BCAS1: variants seen among roughly 807,000 people sequenced by gnomAD.
The protein encoded by BCAS1 is brain enriched myelin associated protein 1.
A neutral mutation model predicts 65.4 loss-of-function variants in BCAS1; 46 were observed. The observed-to-expected ratio is 0.70, with a 90% CI of 0.55 to 0.90. The LOEUF is 0.90. Among genes scored for constraint, BCAS1 ranks in the 40% least tolerant of loss-of-function variants. The probability of loss-of-function intolerance (pLI) is 0.00; values close to 1 mark genes in which losing one functional copy is unlikely to be tolerated. For synonymous variants in BCAS1, 298 were observed against 293.5 expected, an observed-to-expected ratio of 1.02 and a Z score of -0.16; for missense variants, 793 against 771.2, an observed-to-expected ratio of 1.03 and a Z score of -0.33.
chr20:54,058,696 G>A lies in BCAS1; in HGVS notation c.23C>T (p.Pro8Leu). ...ATTCTCTTGGTCTTCAACTCTTTGG[G>A]GAACACTCATTTGGTTACCCATTGC... MGNQMSVPQRVEDQENEP... is the reference protein window; with the variant it reads MGNQMSVLQRVEDQENEP... Residue 8 changes from proline to leucine, a missense_variant, in exon 2 of 13, where the codon CCC (proline) becomes CTC (leucine). Coordinates refer to ENST00000688948, the MANE Select transcript of BCAS1 (RefSeq NM_001366298.2). 1 of 1,611,182 alleles carries A rather than the reference G, an allele frequency of 6.2e-7. No homozygotes were observed. Among genetic ancestry groups the A allele is most frequent in the Admixed American group, 1.7e-5 (1 of 59,834 alleles).
intron 4 of BCAS1, among the ~76,000 whole-genome samples, chr20:54,004,085 A>G (rs1471638695): frequency 6.6e-6 from 1 of 152,184 alleles, no homozygotes; most frequent in Non-Finnish European, 1.5e-5. Flanking sequence ...CCCAAAATTC[A>G]TGTGTTCAAA....
Position 54,035,867 on chromosome 20 carries a change from T to C in BCAS1, c.143-6895A>G, listed in dbSNP as rs374228350. ...GGTACATATACACCATGGAATACTA[T>C]GCAGCCATAAAAAGAACGAGATCAT... On this transcript the variant is annotated intron_variant, in intron 3 of 12. Transcript: ENST00000688948. Among the ~76,000 whole-genome samples the C allele has an allele frequency of 3.3e-4, 50 of 151,480 alleles. No homozygotes were observed. In the South Asian group the frequency reaches 9.2e-3, roughly 28 times the overall value.
chr20:53,963,265 T>C (rs1293346068), intron 10 of BCAS1, among the ~76,000 whole-genome samples: 1 of 151,776 alleles, frequency 6.6e-6, no homozygotes, highest in Non-Finnish European at 1.5e-5. Context: ...GTGGATCACC[T>C]GAGATCAGGA....
chr20:53,998,361 C>A (rs1286231558), intron 4 of BCAS1, among the ~76,000 whole-genome samples: 1 of 152,212 alleles, frequency 6.6e-6, no homozygotes, highest in East Asian at 1.9e-4. Context: ...CACAGTTCTG[C>A]AGCCTTTACA....
At position 54,029,586 on chromosome 20, in the gene BCAS1, T is replaced by G. The variant is rs290454; in HGVS notation, c.143-614A>C. On this transcript the variant is annotated intron_variant, in intron 3 of 12. Transcript: ENST00000688948. ...CTGAAATGTCTTTTTGAATCCAGAT[T>G]ATCTAATTTTCTGTGCCTCAACTTT... Among the ~76,000 whole-genome samples the G allele has an allele frequency of 7.8e-3, 1,183 of 152,346 alleles. 13 individuals carry two copies. The highest frequency in any genetic ancestry group is 0.027 in the African/African-American group (1,134 of 41,578).
At chr20:54,006,843 G>A (rs1247091511) in intron 4 of BCAS1, among the ~76,000 whole-genome samples, 1 of 152,184 alleles carries the variant, frequency 6.6e-6, no homozygotes, top group African/African-American at 2.4e-5. Context: ...CCCACTGATG[G>A]AGGCAGTGAG....
chr20:53,956,661 CAA>C (rs143693739), intron 11 of BCAS1, among the ~76,000 whole-genome samples: 35 of 131,136 alleles, frequency 2.7e-4, no homozygotes, highest in Admixed American at 3.1e-4. Context: ...AGTCACACAG[CAA>C]AAAAAAAAAA....
intron 3 of BCAS1, among the ~76,000 whole-genome samples, chr20:54,030,804 C>A (rs955927049): frequency 1.3e-5 from 2 of 151,254 alleles, no homozygotes; most frequent in Non-Finnish European, 3.0e-5. Context: ...AAGAAAATCA[C>A]CCTGCCAGCA....
chr20:54,060,305 G>A (rs1030099833), intron 1 of BCAS1, among the ~76,000 whole-genome samples: 4 of 152,170 alleles, frequency 2.6e-5, no homozygotes, highest in Non-Finnish European at 5.9e-5. Flanking sequence ...AGGGTTCTAA[G>A]TTATGAATAA....
intron 4 of BCAS1, among the ~76,000 whole-genome samples, chr20:54,016,468 T>C (rs1369848862): frequency 1.3e-5 from 2 of 152,250 alleles, no homozygotes. Context: ...GCTAAAAACA[T>C]TCGACTTATT....
intron 4 of BCAS1, among the ~76,000 whole-genome samples, chr20:54,002,289 C>T (rs1276055401): frequency 1.3e-5 from 2 of 152,252 alleles, no homozygotes; most frequent in East Asian, 3.8e-4. Flanking sequence ...TAGGTAGGAG[C>T]AGACACAGGG....
intron 10 of BCAS1, among the ~76,000 whole-genome samples, chr20:53,957,781 T>A (rs2089747995): frequency 6.6e-6 from 1 of 152,200 alleles, no homozygotes; most frequent in African/African-American, 2.4e-5. Context: ...CCAATTAATG[T>A]TGGAAGCAGG....
At chr20:54,008,522 GC>G (rs1283231351) in intron 4 of BCAS1, among the ~76,000 whole-genome samples, 1 of 152,090 alleles carries the variant, frequency 6.6e-6, no homozygotes, top group East Asian at 1.9e-4. Context: ...GTATACCCCC[GC>G]CCCCCAACAA....
At chr20:54,033,253 A>C (rs2091838013) in intron 3 of BCAS1, among the ~76,000 whole-genome samples, 1 of 151,076 alleles carries the variant, frequency 6.6e-6, no homozygotes, top group East Asian at 1.9e-4. Context: ...GAGAACTGAG[A>C]GCAGAAAAAC....
intron 4 of BCAS1, among the ~76,000 whole-genome samples, chr20:54,003,356 T>TG (rs1398232622): frequency 3.3e-5 from 5 of 152,200 alleles, no homozygotes; most frequent in African/African-American, 1.2e-4. Context: ...TCTATGCCTT[T>TG]GTACACTGTG....
At chr20:54,051,990 C>T (rs570057701) in intron 3 of BCAS1, among the ~76,000 whole-genome samples, 1 of 152,270 alleles carries the variant, frequency 6.6e-6, no homozygotes, top group East Asian at 1.9e-4. Flanking sequence ...CCACCTGTCT[C>T]GGCCTCCAAA....
chr20:53,958,342 GTTCTT>G (rs2089768008), intron 10 of BCAS1, among the ~76,000 whole-genome samples: 1 of 152,172 alleles, frequency 6.6e-6, no homozygotes. Context: ...AAAATGTTCG[GTTCTT>G]ATCAACAACA....
chr20:54,041,067 C>T (rs1183026117), intron 3 of BCAS1, among the ~76,000 whole-genome samples: 3 of 151,256 alleles, frequency 2.0e-5, no homozygotes, highest in South Asian at 4.2e-4. Context: ...AAGTGAAAGA[C>T]GCCAGACACA....
Position 54,030,144 on chromosome 20 carries a change from T to C in BCAS1, c.143-1172A>G, listed in dbSNP as rs112534941. On this transcript the variant is annotated intron_variant, in intron 3 of 12. Transcript: ENST00000688948. ...CCTCTACCTTGACCTAAATTAACTA[T>C]AAAAGGTCCTTCTTTTCTAGGACCC... 8.6e-3 allele frequency among the ~76,000 whole-genome samples: 1,312 copies of C among 152,282 alleles called. 11 individuals are homozygous for C. The highest frequency in any genetic ancestry group is 0.031 in the African/African-American group (1,269 of 41,548).
Sources: allele counts gnomAD v4.1 joint callset (sites outside exome capture counted in the v4.1 genomes callset), GRCh38; gene constraint gnomAD v4.1.1; transcripts MANE v1.5; gene names NCBI Gene and HGNC (gene_info 2026-07-23, HGNC 2026-07-21).